The following AGTPBP1 variants were observed in gnomAD, a reference collection of about 807,000 sequenced individuals.
The protein encoded by AGTPBP1 is ATP/GTP binding carboxypeptidase 1.
Under a neutral mutation model 143.9 loss-of-function variants are expected in AGTPBP1, and 70 were observed. The ratio of observed to expected loss-of-function variants is 0.49; its 90% CI spans 0.40 to 0.59. The LOEUF is 0.59. Ranked by LOEUF, AGTPBP1 falls within the 20% of genes least tolerant of loss-of-function variation. AGTPBP1 has a pLI of 0.00. For synonymous variants in AGTPBP1, 463 were observed against 500.2 expected (o/e 0.93, Z 0.99); for missense variants, 1,229 against 1,464.5 (o/e 0.84, Z 2.62).
intron 4 of AGTPBP1, among the ~76,000 whole-genome samples, chr9:85,679,781 T>C (rs1308888348): frequency 6.6e-6 from 1 of 152,168 alleles, no homozygotes; most frequent in Admixed American, 6.5e-5. Flanking sequence ...TTTCCAAGTA[T>C]CCATGGTGTT....
chr9:85,718,058 T>C (rs1837837805), intron 1 of AGTPBP1, among the ~76,000 whole-genome samples: 1 of 152,198 alleles, frequency 6.6e-6, no homozygotes, highest in African/African-American at 2.4e-5. Flanking sequence ...TGTGCCACAT[T>C]TTCTTAATCC....
intron 12 of AGTPBP1, among the ~76,000 whole-genome samples, chr9:85,645,279 C>A (rs76399076): frequency 0.017 from 2,541 of 152,234 alleles, 25 homozygotes; most frequent in Middle Eastern, 0.054. Flanking sequence ...CGTGAGCAAT[C>A]ACTGATACCC....
intron 14 of AGTPBP1, among the ~76,000 whole-genome samples, chr9:85,631,642 A>G (rs1449551326): frequency 6.6e-6 from 1 of 152,218 alleles, no homozygotes; most frequent in Non-Finnish European, 1.5e-5. Context: ...AATGAATTAT[A>G]TAAGATGCTA....
intron 9 of AGTPBP1, among the ~76,000 whole-genome samples, chr9:85,660,154 T>G (rs1833766900): frequency 6.6e-6 from 1 of 152,058 alleles, no homozygotes; most frequent in Non-Finnish European, 1.5e-5. Flanking sequence ...CAGACAGTTC[T>G]TGATGAGCTA....
chr9:85,783,779 T>G, the AGTPBP1 span, among the ~76,000 whole-genome samples: 1 of 152,128 alleles, frequency 6.6e-6, no homozygotes, highest in South Asian at 2.1e-4. Context: ...GGATTACAGG[T>G]GCCGCCACCA....
chr9:85,662,459 T>G (rs1833904303), intron 8 of AGTPBP1, among the ~76,000 whole-genome samples: 1 of 152,180 alleles, frequency 6.6e-6, no homozygotes, highest in African/African-American at 2.4e-5. Context: ...CTTTTTACAC[T>G]TATGCAATAA....
At chr9:85,621,586 G>A (rs1233390560) in intron 14 of AGTPBP1, among the ~76,000 whole-genome samples, 1 of 151,796 alleles carries the variant, frequency 6.6e-6, no homozygotes, top group East Asian at 1.9e-4. Flanking sequence ...AAATGGTGTG[G>A]TTTCGCTATC....
At chr9:85,747,467 T>C in the AGTPBP1 span, among the ~76,000 whole-genome samples, 3 of 152,328 alleles carry the variant, frequency 2.0e-5, no homozygotes, top group East Asian at 5.8e-4. Flanking sequence ...CTGAGTAGTA[T>C]TGACATCTTG....
chr9:85,725,473 A>AG (rs1461559159), intron 1 of AGTPBP1, among the ~76,000 whole-genome samples: 1 of 152,116 alleles, frequency 6.6e-6, no homozygotes, highest in Non-Finnish European at 1.5e-5. Context: ...TGCTACGCAT[A>AG]GGGGGAGGAT....
At chr9:85,740,068 T>G (rs1442899513) in intron 1 of AGTPBP1, among the ~76,000 whole-genome samples, 1 of 152,202 alleles carries the variant, frequency 6.6e-6, no homozygotes, top group Admixed American at 6.5e-5. Context: ...CTTTTCCTTC[T>G]GCTAATGGAA....
At chr9:85,725,910 G>C (rs572512065) in intron 1 of AGTPBP1, among the ~76,000 whole-genome samples, 1 of 151,682 alleles carries the variant, frequency 6.6e-6, no homozygotes, top group Non-Finnish European at 1.5e-5. Context: ...ATAGCCAGGC[G>C]TGGTGGCACA....
the AGTPBP1 span, chr9:85,773,817 G>T: frequency 2.4e-5 from 34 of 1,428,326 alleles, no homozygotes; most frequent in Non-Finnish European, 3.3e-5. Context: ...CACTTAACAG[G>T]TCAAAATATG....
At chr9:85,549,919 G>A (rs1825937720) in intron 25 of AGTPBP1, among the ~76,000 whole-genome samples, 1 of 152,182 alleles carries the variant, frequency 6.6e-6, no homozygotes. Context: ...AGAGTATGGA[G>A]CTGGTCCACT....
the AGTPBP1 span, among the ~76,000 whole-genome samples, chr9:85,790,733 T>C: frequency 6.6e-6 from 1 of 152,298 alleles, no homozygotes; most frequent in Admixed American, 6.5e-5. Flanking sequence ...AAGACTTAGA[T>C]ATTATGTTCT....
chr9:85,772,404 T>G, the AGTPBP1 span, among the ~76,000 whole-genome samples: 1 of 152,148 alleles, frequency 6.6e-6, no homozygotes, highest in African/African-American at 2.4e-5. Context: ...ATATAGACAT[T>G]GTCTGAAGTA....
chr9:85,691,034 G>A (rs1275159622), intron 3 of AGTPBP1, among the ~76,000 whole-genome samples: 2 of 152,122 alleles, frequency 1.3e-5, no homozygotes, highest in Admixed American at 1.3e-4. Flanking sequence ...TTTTTGTTGG[G>A]TTTTTTGTTT....
In AGTPBP1 at chr9:85,660,991, A is replaced by G. The variant is rs1274797529; in HGVS notation, c.663-18T>C. ...AAGCAACCCTGTCAACACAACAAGA[A>G]AACACAAACAACAACAAAACTAGTA... On this transcript the variant is annotated intron_variant, in intron 8 of 25. Transcript: ENST00000357081. 6.3e-7 allele frequency: 1 copy of G among 1,585,056 alleles called. No individual in the cohort carries two copies. Among genetic ancestry groups the G allele is most frequent in the Non-Finnish European group, 8.6e-7 (1 of 1,168,648 alleles).
rs530161748 is a variant in AGTPBP1, at chr9:85,719,359, T to C, written c.-33-6793A>G. Among the ~76,000 whole-genome samples the C allele has an allele frequency of 2.0e-5, 3 of 152,356 alleles. No homozygotes were observed. The East Asian group carries it at 5.8e-4, about 29-fold the overall frequency. On this transcript the variant is annotated intron_variant, in intron 1 of 25. Transcript: ENST00000357081. ...TATGTTGTTGAGCAGTGGTTTGTAG[T>C]TCTCCTTGAAGAGGTCCTTCACAAC...
chr9:85,779,212 G>C, the AGTPBP1 span, among the ~76,000 whole-genome samples: 2 of 141,556 alleles, frequency 1.4e-5, no homozygotes, highest in East Asian at 2.0e-4. Flanking sequence ...TATAGATATA[G>C]ATATAGATAT....
Sources: allele counts gnomAD v4.1 joint callset (sites outside exome capture counted in the v4.1 genomes callset), GRCh38; gene constraint gnomAD v4.1.1; transcripts MANE v1.5; gene names NCBI Gene and HGNC (gene_info 2026-07-23, HGNC 2026-07-21).